Variants in LRFN5 observed in about 807,000 individuals in gnomAD.
The protein encoded by LRFN5 is leucine-rich repeat and fibronectin type-III domain-containing protein 5.
A neutral mutation model predicts 45.6 loss-of-function variants in LRFN5; 24 were observed. The ratio of observed to expected loss-of-function variants is 0.53; its 90% CI spans 0.38 to 0.74. LRFN5 has a LOEUF of 0.74. LRFN5 is among the 30% of genes least tolerant of loss of function. The pLI is 0.00. For missense variants in LRFN5, 776 were observed against 861.5 expected (o/e 0.90, Z 1.24); for synonymous variants, 340 against 313.8 (o/e 1.08, Z -0.88).
intron 2 of LRFN5, among the ~76,000 whole-genome samples, chr14:41,856,677 T>TATTATTATTATTATTA (rs1555326983): frequency 9.7e-4 from 14 of 14,360 alleles, no homozygotes; most frequent in Non-Finnish European, 2.0e-3. Flanking sequence ...TTATTATTAT[T>TATTATTATTATTATTA]TTTTTTTTTT....
chr14:41,793,459 T>G (rs1004805489), intron 2 of LRFN5, among the ~76,000 whole-genome samples: 1 of 152,116 alleles, frequency 6.6e-6, no homozygotes, highest in African/African-American at 2.4e-5. Flanking sequence ...ATAATTTTAC[T>G]AGAAAACTTT....
chr14:41,863,031 A>C (rs1889720829), intron 2 of LRFN5, among the ~76,000 whole-genome samples: 1 of 151,564 alleles, frequency 6.6e-6, no homozygotes, highest in Non-Finnish European at 1.5e-5. Context: ...TGCCCGGCTA[A>C]TTTTTTGTAT....
intron 1 of LRFN5, among the ~76,000 whole-genome samples, chr14:41,644,706 A>T (rs1879732015): frequency 6.6e-6 from 1 of 152,122 alleles, no homozygotes; most frequent in African/African-American, 2.4e-5. Flanking sequence ...TTTAGGATAT[A>T]TTTTATGTCC....
chr14:41,883,110 C>T (rs1890443914), intron 2 of LRFN5, among the ~76,000 whole-genome samples: 2 of 151,954 alleles, frequency 1.3e-5, no homozygotes, highest in Admixed American at 6.6e-5. Context: ...CCCTGGCTTC[C>T]CAAAGTGCTG....
chr14:41,767,549 G>T (rs1350270590), intron 2 of LRFN5, among the ~76,000 whole-genome samples: 1 of 152,096 alleles, frequency 6.6e-6, no homozygotes, highest in Non-Finnish European at 1.5e-5. Context: ...TTGGTTTATT[G>T]AATGATACGT....
chr14:41,624,264 G>A (rs193067087), intron 1 of LRFN5, among the ~76,000 whole-genome samples: 305 of 152,122 alleles, frequency 2.0e-3, no homozygotes, highest in African/African-American at 7.0e-3. Context: ...ATTGTGGACT[G>A]AAATTTGAAT....
chr14:41,903,636 A>G (rs954673992), intron 5 of LRFN5, among the ~76,000 whole-genome samples: 6 of 151,768 alleles, frequency 4.0e-5, no homozygotes, highest in African/African-American at 1.2e-4. Context: ...GAGTTATTGT[A>G]AGTTTTCCAT....
At chr14:41,730,277 A>G (rs1884113631) in intron 1 of LRFN5, among the ~76,000 whole-genome samples, 1 of 152,234 alleles carries the variant, frequency 6.6e-6, no homozygotes, top group South Asian at 2.1e-4. Context: ...TTAAAAATAA[A>G]TAAAGGTCCT....
intron 1 of LRFN5, among the ~76,000 whole-genome samples, chr14:41,757,071 G>A (rs1336049270): frequency 6.6e-6 from 1 of 152,160 alleles, no homozygotes; most frequent in Non-Finnish European, 1.5e-5. Context: ...GCAGAACAGA[G>A]GATATTGGTG....
At chr14:41,842,709 A>G (rs1210350281) in intron 2 of LRFN5, among the ~76,000 whole-genome samples, 3 of 152,174 alleles carry the variant, frequency 2.0e-5, no homozygotes, top group Non-Finnish European at 4.4e-5. Flanking sequence ...GTGGATGTAT[A>G]ACATTTTTTT....
At chr14:41,844,393 T>TGC (rs1888984528) in intron 2 of LRFN5, among the ~76,000 whole-genome samples, 1 of 149,390 alleles carries the variant, frequency 6.7e-6, no homozygotes, top group Non-Finnish European at 1.5e-5. Flanking sequence ...GCGGAGATCT[T>TGC]GCCACCACAC....
At position 41,642,227 on chromosome 14, in the gene LRFN5, A is replaced by G. The variant is rs1879611397; in HGVS notation, c.-197+33665A>G. 4.6e-5 allele frequency among the ~76,000 whole-genome samples: 7 copies of G among 152,174 alleles called. No homozygotes were observed. In the South Asian group the frequency reaches 1.5e-3, roughly 32 times the overall value. Reference sequence around the variant, plus strand: ...CAATAATGTGTTGAAATAAATACACATACTGAATCATCTATTGGACCACAA... The same window carrying G: ...CAATAATGTGTTGAAATAAATACACGTACTGAATCATCTATTGGACCACAA... On this transcript the variant is annotated intron_variant, in intron 1 of 5. Transcript: ENST00000298119.
intron 1 of LRFN5, among the ~76,000 whole-genome samples, chr14:41,613,321 A>G (rs1887822548): frequency 6.6e-6 from 1 of 152,078 alleles, no homozygotes; most frequent in African/African-American, 2.4e-5. Context: ...TAAGTCTTTG[A>G]GGAATCACCA....
chr14:41,886,853 C>A lies in LRFN5; in HGVS notation c.228C>A (p.Ser76Arg). The A allele has an allele frequency of 6.2e-7, 1 of 1,614,078 alleles. No homozygotes were observed. Among genetic ancestry groups the A allele is most frequent in the East Asian group, 2.2e-5 (1 of 44,878 alleles). ...IKRKDFANMT[S>R]LVDLTLSRNT... The stretch of plus-strand genomic sequence containing the variant: ...GGAAAGATTTTGCCAATATGACCAG[C>A]TTGGTGGACCTGACTCTATCCAGGA... The change falls in exon 3 of 6, where the codon AGC becomes AGA. Residue 76 changes from serine (S) to arginine (R), a missense_variant. Around this residue, in one of 2 missense-constraint regions of LRFN5, gnomAD observed 311 missense variants for 405.1 expected, o/e 0.77. Coordinates refer to ENST00000298119, the MANE Select transcript of LRFN5 (RefSeq NM_152447.5).
chr14:41,632,694 T>C (rs1457127419), intron 1 of LRFN5, among the ~76,000 whole-genome samples: 3 of 152,148 alleles, frequency 2.0e-5, no homozygotes, highest in Non-Finnish European at 4.4e-5. Flanking sequence ...AAGAAAATAT[T>C]GTATGTGTCA....
chr14:41,775,240 A>T (rs994368911), intron 2 of LRFN5, among the ~76,000 whole-genome samples: 1 of 151,448 alleles, frequency 6.6e-6, no homozygotes, highest in African/African-American at 2.4e-5. Flanking sequence ...ACAGGCGCCC[A>T]CCACCAGGCC....
intron 1 of LRFN5, among the ~76,000 whole-genome samples, chr14:41,668,445 G>A (rs934850373): frequency 2.0e-5 from 3 of 151,910 alleles, no homozygotes; most frequent in Non-Finnish European, 4.4e-5. Flanking sequence ...ACATATCTAT[G>A]CATTCTTTTT....
At chr14:41,799,661 C>A (rs1429678720) in intron 2 of LRFN5, among the ~76,000 whole-genome samples, 1 of 151,974 alleles carries the variant, frequency 6.6e-6, no homozygotes, top group African/African-American at 2.4e-5. Context: ...TGGTTTTCCT[C>A]ATCACTGTGG....
chr14:41,710,875 C>T (rs1361127758), intron 1 of LRFN5, among the ~76,000 whole-genome samples: 2 of 145,392 alleles, frequency 1.4e-5, no homozygotes, highest in African/African-American at 2.5e-5. Context: ...TGGTGTTTGG[C>T]TTTCTGTCCT....
Sources: allele counts gnomAD v4.1 joint callset (sites outside exome capture counted in the v4.1 genomes callset), GRCh38; gene constraint gnomAD v4.1.1; regional missense constraint gnomAD v4.1.1; transcripts MANE v1.5; gene names NCBI Gene and HGNC (gene_info 2026-07-23, HGNC 2026-07-21).